GALNT13: variants seen among roughly 807,000 people sequenced by gnomAD.
GALNT13 encodes polypeptide N-acetylgalactosaminyltransferase 13.
A neutral mutation model predicts 64.2 loss-of-function variants in GALNT13; 28 were observed. The observed-to-expected ratio is 0.44, with a 90% CI of 0.32 to 0.60. GALNT13 has a LOEUF of 0.60. GALNT13 is among the 20% of genes least tolerant of loss of function. The pLI, the probability that GALNT13 is intolerant of heterozygous loss-of-function variation, is 0.05. For missense variants in GALNT13, 577 were observed against 669.8 expected, an observed-to-expected ratio of 0.86 and a Z score of 1.53; for synonymous variants, 214 against 224.6, an observed-to-expected ratio of 0.95 and a Z score of 0.42.
intron 3 of GALNT13, among the ~76,000 whole-genome samples, chr2:153,989,155 T>C (rs889972262): frequency 2.6e-5 from 4 of 152,028 alleles, no homozygotes; most frequent in Admixed American, 6.6e-5. Flanking sequence ...TGATATAAAA[T>C]TGAGTAAAGC....
At chr2:153,710,152 A>T in the GALNT13 span, among the ~76,000 whole-genome samples, 1 of 152,140 alleles carries the variant, frequency 6.6e-6, no homozygotes, top group African/African-American at 2.4e-5. Context: ...ACAACAGATG[A>T]TACGTATGTG....
At chr2:153,841,452 G>C in the GALNT13 span, among the ~76,000 whole-genome samples, 2 of 152,106 alleles carry the variant, frequency 1.3e-5, no homozygotes, top group Admixed American at 6.6e-5. Flanking sequence ...TTGACTTTGA[G>C]TTAAACATTT....
At chr2:153,485,275 T>A in the GALNT13 span, among the ~76,000 whole-genome samples, 2 of 152,244 alleles carry the variant, frequency 1.3e-5, no homozygotes, top group African/African-American at 4.8e-5. Context: ...ATTTGCCTTT[T>A]AAATTAGGCT....
the GALNT13 span, among the ~76,000 whole-genome samples, chr2:153,482,116 C>T: frequency 6.6e-6 from 1 of 152,066 alleles, no homozygotes; most frequent in Non-Finnish European, 1.5e-5. Flanking sequence ...TATATTTCAC[C>T]CTTAGATTAT....
At chr2:153,082,573 TTATATATATATATATA>T in the GALNT13 span, among the ~76,000 whole-genome samples, 1,103 of 40,518 alleles carry the variant, frequency 0.027, 28 homozygotes, top group Middle Eastern at 0.075. Flanking sequence ...TTAGGCTGGT[TTATATATATATATATA>T]TATATATATA....
At chr2:153,945,847 TC>T (rs1691698241) in intron 3 of GALNT13, among the ~76,000 whole-genome samples, 1 of 152,198 alleles carries the variant, frequency 6.6e-6, no homozygotes, top group Non-Finnish European at 1.5e-5. Context: ...AAATTCTGAA[TC>T]TTCTGAATCG....
chr2:154,440,605 A>C (rs898689662), intron 12 of GALNT13, among the ~76,000 whole-genome samples: 1 of 152,136 alleles, frequency 6.6e-6, no homozygotes, highest in East Asian at 1.9e-4. Context: ...ACACACGCAC[A>C]AAAAGCTTAT....
At chr2:154,419,675 A>G (rs1700168477) in intron 11 of GALNT13, among the ~76,000 whole-genome samples, 2 of 152,136 alleles carry the variant, frequency 1.3e-5, no homozygotes, top group South Asian at 4.1e-4. Flanking sequence ...TGTCCATAAT[A>G]TTAAAAAACA....
intron 4 of GALNT13, among the ~76,000 whole-genome samples, chr2:154,165,393 A>G (rs10180046): frequency 7.9e-5 from 12 of 151,970 alleles, no homozygotes; most frequent in Admixed American, 2.6e-4. Context: ...ACATTAGGTA[A>G]TTATCACCAT....
intron 3 of GALNT13, among the ~76,000 whole-genome samples, chr2:154,051,057 A>T (rs1258344571): frequency 6.6e-6 from 1 of 151,848 alleles, no homozygotes; most frequent in Non-Finnish European, 1.5e-5. Flanking sequence ...ACGGAGAGAT[A>T]GTGCTCAGAT....
the GALNT13 span, among the ~76,000 whole-genome samples, chr2:153,778,850 T>C: frequency 6.6e-6 from 1 of 152,210 alleles, no homozygotes; most frequent in Non-Finnish European, 1.5e-5. Context: ...TAGTTTTTCT[T>C]CATTATTTTT....
intron 3 of GALNT13, among the ~76,000 whole-genome samples, chr2:154,055,133 G>A (rs1036150911): frequency 6.6e-6 from 1 of 151,884 alleles, no homozygotes; most frequent in African/African-American, 2.4e-5. Flanking sequence ...TCATAAGTAG[G>A]AATTTTTGTC....
chr2:153,330,429 T>C, the GALNT13 span, among the ~76,000 whole-genome samples: 3 of 152,182 alleles, frequency 2.0e-5, no homozygotes, highest in Admixed American at 6.5e-5. Context: ...GTTTGTGTCA[T>C]CTCTGATTTC....
At chr2:153,675,643 G>T in the GALNT13 span, among the ~76,000 whole-genome samples, 1 of 152,056 alleles carries the variant, frequency 6.6e-6, no homozygotes, top group Non-Finnish European at 1.5e-5. Flanking sequence ...GTATACCTAT[G>T]TAACATACCT....
chr2:153,542,065 C>T, the GALNT13 span, among the ~76,000 whole-genome samples: 8 of 152,070 alleles, frequency 5.3e-5, no homozygotes, highest in African/African-American at 1.9e-4. Context: ...CCCCTGTAAA[C>T]CCAGCATTTT....
At chr2:153,775,227 A>C in the GALNT13 span, among the ~76,000 whole-genome samples, 5 of 152,194 alleles carry the variant, frequency 3.3e-5, no homozygotes, top group Non-Finnish European at 7.4e-5. Context: ...ACTGACTTAT[A>C]AAAATAGATC....
chr2:154,371,369 T>A (rs906550640), intron 9 of GALNT13, among the ~76,000 whole-genome samples: 2 of 152,090 alleles, frequency 1.3e-5, no homozygotes, highest in African/African-American at 4.8e-5. Context: ...CTGTCAATGT[T>A]GTGAATCACT....
chr2:153,584,075 G>A, the GALNT13 span, among the ~76,000 whole-genome samples: 1 of 152,140 alleles, frequency 6.6e-6, no homozygotes, highest in East Asian at 1.9e-4. Flanking sequence ...GCTCCACTGG[G>A]ACTGGGACAT....
intron 4 of GALNT13, among the ~76,000 whole-genome samples, chr2:154,179,137 C>A (rs1206894137): frequency 6.6e-6 from 1 of 152,268 alleles, no homozygotes; most frequent in Middle Eastern, 3.4e-3. Flanking sequence ...GAAACTCCTT[C>A]TACTCTCTTA....
Sources: allele counts gnomAD v4.1 joint callset (sites outside exome capture counted in the v4.1 genomes callset), GRCh38; gene constraint gnomAD v4.1.1; transcripts MANE v1.5; gene names NCBI Gene and HGNC (gene_info 2026-07-23, HGNC 2026-07-21).